RAPGEF5: variants seen among roughly 807,000 people sequenced by gnomAD.
RAPGEF5 encodes the protein Rap guanine nucleotide exchange factor 5.
In RAPGEF5, 65 loss-of-function variants were observed where a neutral mutation model predicts 125.2. The observed-to-expected ratio is 0.52, with a 90% CI of 0.43 to 0.64. The LOEUF (loss-of-function observed/expected upper bound fraction) is 0.64. Among genes scored for constraint, RAPGEF5 ranks in the 30% least tolerant of loss-of-function variants. The pLI is 0.00. For missense variants in RAPGEF5, 958 were observed against 1,048.1 expected (o/e 0.91, Z 1.19); for synonymous variants, 391 against 385.9 (o/e 1.01, Z -0.16).
At chr7:22,260,580 A>T (rs1782132103) in intron 7 of RAPGEF5, among the ~76,000 whole-genome samples, 1 of 151,988 alleles carries the variant, frequency 6.6e-6, no homozygotes. Flanking sequence ...TTACAACAGT[A>T]ATCAAAACTA....
intron 7 of RAPGEF5, among the ~76,000 whole-genome samples, chr7:22,257,738 T>A (rs912469382): frequency 6.6e-6 from 1 of 152,216 alleles, no homozygotes; most frequent in Admixed American, 6.5e-5. Context: ...TTGTTGGTTA[T>A]TTTTACCCCT....
intron 7 of RAPGEF5, among the ~76,000 whole-genome samples, chr7:22,256,265 C>T (rs2128139330): frequency 6.6e-6 from 1 of 152,246 alleles, no homozygotes; most frequent in Non-Finnish European, 1.5e-5. Context: ...CTACAGAGTC[C>T]TTGAGGCAAA....
chr7:22,266,472 G>A (rs1199578599), intron 7 of RAPGEF5, among the ~76,000 whole-genome samples: 1 of 152,080 alleles, frequency 6.6e-6, no homozygotes, highest in Non-Finnish European at 1.5e-5. Context: ...CTATAGGTAT[G>A]AGGAATCAGA....
chr7:22,169,831 G>A (rs954142003), intron 11 of RAPGEF5, among the ~76,000 whole-genome samples: 4 of 112,166 alleles, frequency 3.6e-5, no homozygotes, highest in Admixed American at 1.3e-4. Flanking sequence ...CTGCCCTCTA[G>A]CCTGTGCAAC....
At chr7:22,239,010 T>C (rs533573718) in intron 7 of RAPGEF5, among the ~76,000 whole-genome samples, 1 of 152,274 alleles carries the variant, frequency 6.6e-6, no homozygotes, top group East Asian at 1.9e-4. Flanking sequence ...TTTCAAACAG[T>C]ATAAGCATGA....
Position 22,318,036 on chromosome 7 carries a change from G to A in RAPGEF5, c.233C>T (p.Thr78Ile). 1 of 1,523,122 alleles carries A rather than the reference G, an allele frequency of 6.6e-7. No homozygotes were observed. Among genetic ancestry groups the A allele is most frequent in the Admixed American group, 2.2e-5 (1 of 46,028 alleles). 94.4% of individuals were successfully genotyped at this position (1,523,122 alleles called of 1,614,324 possible). A position where few individuals can be genotyped will look rare whatever the true frequency, so the allele number is the denominator to read the frequency against. ...RRKRSAAGGRTLSRRISNPYL... is the reference protein window; with the variant it reads ...RRKRSAAGGRILSRRISNPYL... ...CGGATTAGATATTCTTCTTGATAGAGTCTATTTTAAACAAAGAAAAAAAAA... is the reference window on the plus strand; with the variant it reads ...CGGATTAGATATTCTTCTTGATAGAATCTATTTTAAACAAAGAAAAAAAAA... Residue 78 changes from threonine (T) to isoleucine (I), a missense_variant and splice_region_variant, in exon 2 of 26, where the codon ACT becomes ATT. Coordinates refer to ENST00000665637, the MANE Select transcript of RAPGEF5 (RefSeq NM_012294.5).
At chr7:22,265,721 C>G (rs930360230) in intron 7 of RAPGEF5, among the ~76,000 whole-genome samples, 2 of 152,082 alleles carry the variant, frequency 1.3e-5, no homozygotes, top group Admixed American at 1.3e-4. Flanking sequence ...TCCCTTTTTC[C>G]ACATTCTTGC....
At chr7:22,220,716 GA>G (rs34262187) in intron 8 of RAPGEF5, among the ~76,000 whole-genome samples, 13,044 of 146,274 alleles carry the variant, frequency 0.089, 677 homozygotes, top group Admixed American at 0.15. Flanking sequence ...TTTGAAATAG[GA>G]AAAAAAAAAA....
chr7:22,215,352 C>CT (rs1193664355), intron 9 of RAPGEF5, among the ~76,000 whole-genome samples: 2 of 152,144 alleles, frequency 1.3e-5, no homozygotes, highest in Non-Finnish European at 2.9e-5. Context: ...AACCCAAAAC[C>CT]TAATTTAAGG....
intron 18 of RAPGEF5, among the ~76,000 whole-genome samples, chr7:22,149,594 G>A (rs1464326633): frequency 6.6e-6 from 1 of 152,234 alleles, no homozygotes; most frequent in East Asian, 1.9e-4. Flanking sequence ...AACTTAAAGT[G>A]TGGGTTCTAC....
rs758663501 is a variant in RAPGEF5 at position 22,266,970 on chromosome 7, T to C, written c.790A>G (p.Lys264Glu). ...LAAVIALKAR[K>E]SAIEQDEENN... ...CCCATAAAAGATGACTTACCAGACT[T>C]CCTTGCTTTCAAAGCAATAACAGCT... Residue 264 changes from lysine (K) to glutamate (E), a missense_variant, in exon 7 of 26, where the codon AAG becomes GAG. By Grantham distance (56) the Lys-to-Glu change is moderately conservative. Coordinates refer to ENST00000665637, the MANE Select transcript of RAPGEF5 (RefSeq NM_012294.5). The C allele has an allele frequency of 6.2e-7, 1 of 1,610,038 alleles. No individual in the cohort carries two copies. The highest frequency in any genetic ancestry group is 8.5e-7 in the Non-Finnish European group (1 of 1,176,576).
chr7:22,257,611 C>T (rs1782030303), intron 7 of RAPGEF5, among the ~76,000 whole-genome samples: 1 of 152,176 alleles, frequency 6.6e-6, no homozygotes, highest in Admixed American at 6.5e-5. Context: ...TGTACCTTGC[C>T]ATTGTTCCTT....
chr7:22,325,335 G>A (rs1783793496), intron 1 of RAPGEF5, among the ~76,000 whole-genome samples: 1 of 152,138 alleles, frequency 6.6e-6, no homozygotes. Context: ...AGCCAATAGT[G>A]ATTTATTTCC....
intron 7 of RAPGEF5, among the ~76,000 whole-genome samples, chr7:22,251,517 G>T (rs1583518301): frequency 6.6e-6 from 1 of 152,166 alleles, no homozygotes; most frequent in East Asian, 1.9e-4. Context: ...CTTCAGGGGA[G>T]TAGCTGCCCA....
chr7:22,182,583 G>A (rs1445654748), intron 11 of RAPGEF5, among the ~76,000 whole-genome samples: 1 of 152,128 alleles, frequency 6.6e-6, no homozygotes. Flanking sequence ...CAATAGACAC[G>A]AAACTTCCTG....
At chr7:22,188,721 G>A (rs200370174) in intron 11 of RAPGEF5, among the ~76,000 whole-genome samples, 26 of 148,064 alleles carry the variant, frequency 1.8e-4, no homozygotes, top group African/African-American at 5.3e-4. Flanking sequence ...AGCCGAGATC[G>A]CGCCACTGCA....
At chr7:22,336,353 G>A (rs929718826) in intron 1 of RAPGEF5, among the ~76,000 whole-genome samples, 7 of 152,024 alleles carry the variant, frequency 4.6e-5, no homozygotes, top group African/African-American at 1.7e-4. Context: ...TACGAATAAG[G>A]GCAATGAAAT....
At chr7:22,331,231 T>C (rs926002500) in intron 1 of RAPGEF5, among the ~76,000 whole-genome samples, 2 of 152,212 alleles carry the variant, frequency 1.3e-5, no homozygotes, top group African/African-American at 4.8e-5. Context: ...TAAGATTAAA[T>C]CACCAACATA....
intron 15 of RAPGEF5, 107 bp from the exon 16 acceptor site, chr7:22,156,995 T>A: frequency 3.4e-6 from 5 of 1,489,952 alleles, no homozygotes; most frequent in Non-Finnish European, 4.5e-6. Flanking sequence ...TTTTTTTTAA[T>A]ATGAAATCCA....
Sources: allele counts gnomAD v4.1 joint callset (sites outside exome capture counted in the v4.1 genomes callset), GRCh38; gene constraint gnomAD v4.1.1; transcripts MANE v1.5; gene names NCBI Gene and HGNC (gene_info 2026-07-23, HGNC 2026-07-21).